NOL4L: variants seen among roughly 807,000 people sequenced by gnomAD.
NOL4L encodes nucleolar protein 4-like.
NOL4L carries 7 observed loss-of-function variants against 64.5 expected under a neutral mutation model. That is an observed-to-expected ratio of 0.11 (90% CI 0.06 to 0.20). NOL4L has a LOEUF of 0.20. Ranked by LOEUF, NOL4L falls within the 10% of genes least tolerant of loss-of-function variation. The pLI, the probability that NOL4L is intolerant of heterozygous loss-of-function variation, is 1.00. For synonymous variants in NOL4L, 413 were observed against 401.0 expected (o/e 1.03, Z -0.36); for missense variants, 680 against 967.1 (o/e 0.70, Z 3.94).
At chr20:32,488,838 T>C (rs931215283) in intron 4 of NOL4L, among the ~76,000 whole-genome samples, 1,806 of 74,654 alleles carry the variant, frequency 0.024, 107 homozygotes, top group African/African-American at 0.078. Flanking sequence ...TTTCTTTCTT[T>C]CTTTCTTTCT....
At chr20:32,568,797 C>T (rs1240091035) in intron 1 of NOL4L, among the ~76,000 whole-genome samples, 13 of 152,210 alleles carry the variant, frequency 8.5e-5, no homozygotes, top group Admixed American at 7.9e-4. Context: ...GCTCCTGAGT[C>T]TCTCCGTCCT....
In NOL4L at chr20:32,445,778, C is replaced by T. The variant is rs1360254763; in HGVS notation, c.*1818G>A. On this transcript the variant is annotated 3_prime_UTR_variant, in exon 11 of 11. Transcript: ENST00000621426. The stretch of plus-strand genomic sequence containing the variant: ...GGCCACTTGAGAGATAACGACCACC[C>T]CCAACCTCTAGGGGCCGGAAGTAAG... The T allele has an allele frequency of 6.6e-6, 1 of 152,234 alleles. No homozygotes were observed. The highest frequency in any genetic ancestry group is 1.5e-5 in the Non-Finnish European group (1 of 68,116). The allele number at this position is 152,234 out of a possible 1,614,324, so 9.4% of individuals were successfully genotyped here.
chr20:32,546,218 T>C (rs2018731431), intron 1 of NOL4L, among the ~76,000 whole-genome samples: 1 of 152,112 alleles, frequency 6.6e-6, no homozygotes, highest in Non-Finnish European at 1.5e-5. Context: ...AGTGCTGGGA[T>C]TACAGGCGTG....
intron 1 of NOL4L, among the ~76,000 whole-genome samples, chr20:32,531,976 T>C (rs1174274680): frequency 6.6e-6 from 1 of 152,180 alleles, no homozygotes; most frequent in Non-Finnish European, 1.5e-5. Context: ...TGGAATAAGC[T>C]TTCCAAAAGT....
At chr20:32,462,903 T>TAAAAAAAAAAAAGAAAAA (rs2014205492) in intron 5 of NOL4L, among the ~76,000 whole-genome samples, 1 of 76,668 alleles carries the variant, frequency 1.3e-5, no homozygotes, top group Non-Finnish European at 2.4e-5. Flanking sequence ...GACTCTGTCT[T>TAAAAAAAAAAAAGAAAAA]AAAAAAAAAA....
chr20:32,537,780 CTT>C (rs5841107), intron 1 of NOL4L, among the ~76,000 whole-genome samples: 141 of 143,226 alleles, frequency 9.8e-4, no homozygotes, highest in Admixed American at 1.4e-3. Flanking sequence ...ACCCGCGTTT[CTT>C]TTTTTTTTTT....
intron 4 of NOL4L, among the ~76,000 whole-genome samples, chr20:32,488,773 TCC>T (rs1271224547): frequency 3.3e-4 from 18 of 53,890 alleles, no homozygotes; most frequent in African/African-American, 2.5e-3. Flanking sequence ...CTTCCTTCCT[TCC>T]TTCCTTCCTT....
intron 4 of NOL4L, among the ~76,000 whole-genome samples, chr20:32,506,649 A>G (rs987035165): frequency 3.3e-5 from 5 of 152,148 alleles, no homozygotes; most frequent in Non-Finnish European, 7.4e-5. Context: ...CAACAAGAGC[A>G]AAACTCCATC....
intron 1 of NOL4L, among the ~76,000 whole-genome samples, chr20:32,580,780 C>T (rs944803211): frequency 6.6e-6 from 1 of 152,206 alleles, no homozygotes; most frequent in Non-Finnish European, 1.5e-5. Context: ...TACAGTTGGG[C>T]TGAGAACCTC....
At chr20:32,561,626 C>T (rs1220709312) in intron 1 of NOL4L, among the ~76,000 whole-genome samples, 1 of 152,180 alleles carries the variant, frequency 6.6e-6, no homozygotes, top group Non-Finnish European at 1.5e-5. Context: ...GATGGGGCCA[C>T]GCCCCAGCCA....
chr20:32,488,900 CTCTT>C (rs1284932622), intron 4 of NOL4L, among the ~76,000 whole-genome samples: 5 of 121,582 alleles, frequency 4.1e-5, no homozygotes, highest in Admixed American at 1.7e-4. Context: ...TCTTTCCTCT[CTCTT>C]TCTTTCTTTC....
At chr20:32,581,466 C>A (rs1980467423) in intron 1 of NOL4L, among the ~76,000 whole-genome samples, 1 of 152,186 alleles carries the variant, frequency 6.6e-6, no homozygotes, top group Admixed American at 6.5e-5. Flanking sequence ...GGGCCCTGAC[C>A]ACAGCACCGC....
chr20:32,453,132 C>A lies in NOL4L; in HGVS notation c.1498-126G>T. On this transcript the variant is annotated intron_variant, in intron 8 of 10. Coordinates refer to ENST00000621426, the MANE Select transcript of NOL4L (RefSeq NM_001256798.2). The surrounding 1 kb of genome is among the most constrained non-coding windows in gnomAD (Gnocchi z 5.6). ...GGCTCCAGCGCCTCAGTCTATGGAG[C>A]TGTGTGATCTTTCTGGGCCTTAGTT... The A allele has an allele frequency of 6.9e-7, 1 of 1,446,360 alleles. No individual in the cohort carries two copies. Among genetic ancestry groups the A allele is most frequent in the Admixed American group, 2.0e-5 (1 of 50,300 alleles). 89.6% of individuals were successfully genotyped at this position (1,446,360 alleles called of 1,614,324 possible). A position where few individuals can be genotyped will look rare whatever the true frequency, so the allele number is the denominator to read the frequency against.
intron 5 of NOL4L, among the ~76,000 whole-genome samples, chr20:32,457,123 C>A (rs1048656958): frequency 1.3e-5 from 2 of 152,220 alleles, no homozygotes; most frequent in African/African-American, 4.8e-5. Context: ...CAAAGCACTG[C>A]GAGGGCGCCC....
chr20:32,579,550 A>G (rs769541001), intron 1 of NOL4L, among the ~76,000 whole-genome samples: 26 of 151,652 alleles, frequency 1.7e-4, no homozygotes, highest in Non-Finnish European at 3.5e-4. Context: ...AGCCTCCCAG[A>G]CGTGCAGGGA....
chr20:32,551,988 C>T (rs1008998660), intron 1 of NOL4L, among the ~76,000 whole-genome samples: 2 of 151,622 alleles, frequency 1.3e-5, no homozygotes, highest in African/African-American at 4.9e-5. Flanking sequence ...CAGGGTCTGG[C>T]TATATTGCAC....
At chr20:32,483,268 A>T in intron 4 of NOL4L, 1 of 738,216 alleles carries the variant, frequency 1.4e-6, no homozygotes, top group Non-Finnish European at 1.6e-6. Flanking sequence ...CCCTAACCGC[A>T]GCTCAACGGC....
intron 4 of NOL4L, among the ~76,000 whole-genome samples, chr20:32,504,586 A>AGAAG (rs1489843512): frequency 1.3e-5 from 2 of 151,696 alleles, no homozygotes; most frequent in African/African-American, 4.8e-5. Context: ...AAAGAAAGAA[A>AGAAG]AAAACATCTC....
At chr20:32,469,830 C>T (rs2145471726) in intron 5 of NOL4L, among the ~76,000 whole-genome samples, 1 of 152,364 alleles carries the variant, frequency 6.6e-6, no homozygotes, top group Admixed American at 6.5e-5. Flanking sequence ...CAGACTCCTC[C>T]AGGGAGGTGG....
Sources: gnomAD v4.1 joint callset for allele counts (sites outside exome capture counted in the v4.1 genomes callset) on GRCh38, gnomAD v4.1.1 for gene constraint, Gnocchi (gnomAD v3.1) non-coding constraint, MANE v1.5 for transcripts, NCBI Gene and HGNC (gene_info 2026-07-23, HGNC 2026-07-21) for gene names.